MICAL3: variants seen among roughly 807,000 people sequenced by gnomAD.
MICAL3 encodes [F-actin]-monooxygenase MICAL3.
MICAL3 carries 62 observed loss-of-function variants against 207.4 expected under a neutral mutation model. That is an observed-to-expected ratio of 0.30 (90% confidence interval 0.24 to 0.37). MICAL3 has a LOEUF of 0.37. Among genes scored for constraint, MICAL3 ranks in the 10% least tolerant of loss-of-function variants. The pLI, the probability that MICAL3 is intolerant of heterozygous loss-of-function variation, is 1.00. For missense variants in MICAL3, 2,368 were observed against 2,635.6 expected, an observed-to-expected ratio of 0.90 and a Z score of 2.22; for synonymous variants, 1,077 against 1,069.3, an observed-to-expected ratio of 1.01 and a Z score of -0.14.
chr22:17,895,346 A>C lies in MICAL3; in HGVS notation c.1387T>G (p.Tyr463Asp). Residue 463 changes from tyrosine to aspartate, a missense_variant, in exon 10 of 32, where the codon TAC becomes GAC. This residue lies in a region of MICAL3 where 147 missense variants were observed against 137.7 expected (regional missense o/e 1.07). Transcript: ENST00000441493. Reference sequence around the variant, plus strand: ...TACCGAGTGACAGGGTCGATACTGTACTGGCTGAAGTTCTTACTCACATTC... The same window carrying C: ...TACCGAGTGACAGGGTCGATACTGTCCTGGCTGAAGTTCTTACTCACATTC... ...PENVSKNFSQ[Y>D]SIDPVTRYPN... The C allele has an allele frequency of 6.2e-7, 1 of 1,613,836 alleles. No individual in the cohort carries two copies.
intron 20 of MICAL3, among the ~76,000 whole-genome samples, chr22:17,835,715 A>G (rs1923288766): frequency 6.6e-6 from 1 of 152,178 alleles, no homozygotes; most frequent in Non-Finnish European, 1.5e-5. Flanking sequence ...ACGGGGTCAG[A>G]TCTAGTCATC....
In MICAL3 at chr22:17,818,938, G is replaced by T. The variant is rs1269381440; in HGVS notation, c.3723C>A (p.Ser1241Arg). The T allele has an allele frequency of 6.3e-7, 1 of 1,588,052 alleles. No individual in the cohort carries two copies. The highest frequency in any genetic ancestry group is 2.2e-5 in the East Asian group (1 of 44,648). ...PEARTPVSPG[S>R]PQPQPPVAAS... ...CCGCCACGGGTGGCTGGGGCTGCGG[G>T]CTCCCTGGTGAGACAGGAGTCCTAG... The change falls in exon 26 of 32, where the codon AGC becomes AGA. Residue 1241 changes from serine (S) to arginine (R), a missense_variant. Coordinates refer to ENST00000441493, the MANE Select transcript of MICAL3 (RefSeq NM_015241.3).
chr22:17,902,118 G>A lies in MICAL3; in HGVS notation c.590-139C>T, dbSNP rs1363887392. 1.3e-5 allele frequency: 8 copies of A among 636,528 alleles called. No individual in the cohort carries two copies. Among genetic ancestry groups the A allele is most frequent in the Non-Finnish European group, 1.9e-5 (7 of 362,456 alleles). 39.4% of individuals were successfully genotyped at this position (636,528 alleles called of 1,614,324 possible). A position where few individuals can be genotyped will look rare whatever the true frequency, so the allele number is the denominator to read the frequency against. ...ATGTGTAGAAGCAGTGGAGACAGAG[G>A]CTGTGCACGGTGGCTCGTGCCTCTA... On this transcript the variant is annotated intron_variant, in intron 4 of 31. Transcript: ENST00000441493. This position sits in a 1 kb window ranked among gnomAD's most constrained non-coding sequence, Gnocchi z 4.5.
intron 1 of MICAL3, among the ~76,000 whole-genome samples, chr22:17,952,736 G>T (rs1353791063): frequency 6.6e-6 from 1 of 152,200 alleles, no homozygotes; most frequent in African/African-American, 2.4e-5. Context: ...CCAGGTGCCA[G>T]TTCTGCAGGA....
At chr22:17,834,522 C>T (rs755389835) in intron 20 of MICAL3, 9 of 1,220,096 alleles carry the variant, frequency 7.4e-6, no homozygotes, top group Middle Eastern at 3.5e-4. Context: ...TTGAGACCAT[C>T]CTGGGCAACC....
chr22:17,822,899 C>A (rs1465432202), intron 23 of MICAL3, 48 bp downstream of exon 23: 9 of 1,298,580 alleles, frequency 6.9e-6, no homozygotes, highest in Non-Finnish European at 8.8e-6. Flanking sequence ...ATATTGCCTT[C>A]ATCTTCCCTG....
intron 1 of MICAL3, among the ~76,000 whole-genome samples, chr22:17,962,142 G>A (rs1110662): frequency 0.2 from 30,440 of 152,148 alleles, 3,208 homozygotes; most frequent in Middle Eastern, 0.27. Context: ...ATCACATGGC[G>A]TGTGACGACT....
intron 16 of MICAL3, chr22:17,884,300 G>C (rs1929681949): frequency 1.9e-6 from 3 of 1,591,478 alleles, no homozygotes; most frequent in Non-Finnish European, 2.6e-6. Flanking sequence ...GGTGGGGGCA[G>C]GGCGAACCTG....
chr22:17,861,997 G>A, intron 19 of MICAL3: 1 of 985,408 alleles, frequency 1.0e-6, no homozygotes. Context: ...AAGGAGAAGA[G>A]AGAAATGCCA....
At chr22:18,007,710 T>A (rs903127467) in intron 1 of MICAL3, among the ~76,000 whole-genome samples, 3 of 143,700 alleles carry the variant, frequency 2.1e-5, no homozygotes, top group Non-Finnish European at 4.6e-5. Flanking sequence ...TCCCAGCACT[T>A]TGGGAGGCCG....
intron 16 of MICAL3, among the ~76,000 whole-genome samples, chr22:17,881,680 C>T (rs1192644889): frequency 6.6e-6 from 1 of 152,164 alleles, no homozygotes; most frequent in East Asian, 1.9e-4. Context: ...GGCTTGGTCA[C>T]GTGCATCCAA....
At position 17,945,483 on chromosome 22, in the gene MICAL3, G is replaced by A. The variant is rs139201357; in HGVS notation, c.-74-38597C>T. On this transcript the variant is annotated intron_variant, in intron 1 of 31. Transcript: ENST00000441493. ...GAGGCACCTCAAAGAAAAACAACCC[G>A]AAACAAAGGCACCAGCCAGGAAGAC... is the stretch of plus-strand genomic sequence containing the variant. Among the ~76,000 whole-genome samples, 701 of 152,218 alleles carry A rather than the reference G, an allele frequency of 4.6e-3. 4 individuals carry two copies. The highest frequency in any genetic ancestry group is 7.3e-3 in the Non-Finnish European group (494 of 68,002).
intron 28 of MICAL3, among the ~76,000 whole-genome samples, chr22:17,810,020 C>A (rs934298605): frequency 2.0e-5 from 3 of 149,150 alleles, no homozygotes; most frequent in African/African-American, 7.4e-5. Context: ...TCCCAAATAG[C>A]TGGGATTACA....
intron 20 of MICAL3, among the ~76,000 whole-genome samples, chr22:17,838,080 C>T (rs932175090): frequency 1.6e-4 from 25 of 152,330 alleles, no homozygotes; most frequent in African/African-American, 5.1e-4. Flanking sequence ...GCTGGGATTA[C>T]GGGTGTGAGC....
At chr22:17,862,161 T>C in intron 19 of MICAL3, 2 of 985,046 alleles carry the variant, frequency 2.0e-6, no homozygotes, top group Non-Finnish European at 2.4e-6. Context: ...CCTCTACTGG[T>C]CGAGTGCACA....
rs760179971 is a variant in MICAL3, at chr22:17,791,217, G to A, written c.5735C>T (p.Ser1912Leu). ...GGCCACTCACAAGATCATCAGCTCCGACTCGTAGCGCACCATGGCGTTCTT... is the reference window on the plus strand; with the variant it reads ...GGCCACTCACAAGATCATCAGCTCCAACTCGTAGCGCACCATGGCGTTCTT... ...QEKNAMVRYE[S>L]ELMIFARELE... The change falls in exon 30 of 32, where the codon TCG (serine) becomes TTG (leucine). Residue 1912 changes from serine (S) to leucine (L), a missense_variant. By Grantham distance (145) the Ser-to-Leu change is moderately radical. Around this residue, in one of 4 missense-constraint regions of MICAL3, gnomAD observed 1,770 missense variants for 1,863.2 expected, o/e 0.95. Coordinates refer to ENST00000441493, the MANE Select transcript of MICAL3 (RefSeq NM_015241.3). The A allele has an allele frequency of 3.7e-5, 59 of 1,613,650 alleles. No homozygotes were observed. The highest frequency in any genetic ancestry group is 1.4e-5 in the Non-Finnish European group (16 of 1,179,848).
chr22:17,915,954 A>G (rs988443624), intron 1 of MICAL3, among the ~76,000 whole-genome samples: 1 of 149,560 alleles, frequency 6.7e-6, no homozygotes, highest in African/African-American at 2.5e-5. Flanking sequence ...AGCCAGGCAT[A>G]GATGCACACC....
chr22:17,836,573 C>T (rs998574893), intron 20 of MICAL3, among the ~76,000 whole-genome samples: 4 of 151,802 alleles, frequency 2.6e-5, no homozygotes, highest in Admixed American at 2.6e-4. Flanking sequence ...CTGAGAAGTG[C>T]AGACCAGGAA....
At chr22:17,895,194 G>T in intron 10 of MICAL3, 90 bp downstream of exon 10, 1 of 1,306,008 alleles carries the variant, frequency 7.7e-7, no homozygotes, top group Non-Finnish European at 1.1e-6. Flanking sequence ...TGTATGTGTG[G>T]TATTAATAGG....
Sources: gnomAD v4.1 joint callset for allele counts (sites outside exome capture counted in the v4.1 genomes callset) on GRCh38, gnomAD v4.1.1 for gene constraint, gnomAD v4.1.1 regional missense constraint, Gnocchi (gnomAD v3.1) non-coding constraint, MANE v1.5 for transcripts, NCBI Gene and HGNC (gene_info 2026-07-23, HGNC 2026-07-21) for gene names.